Variants in CEP95 observed in about 807,000 individuals in gnomAD.
CEP95 encodes the protein centrosomal protein 95.
CEP95 carries 98 observed loss-of-function variants against 111.2 expected under a neutral mutation model. The ratio of observed to expected loss-of-function variants is 0.88; its 90% confidence interval spans 0.75 to 1.04. The LOEUF (loss-of-function observed/expected upper bound fraction) is 1.04, where lower values mean the gene tolerates loss of function less well. Ranked by LOEUF, CEP95 falls within the 50% of genes least tolerant of loss-of-function variation. The probability of loss-of-function intolerance (pLI) is 0.00; values close to 1 mark genes in which losing one functional copy is unlikely to be tolerated. For missense variants in CEP95, 1,027 were observed against 977.2 expected (o/e 1.05, Z -0.68); for synonymous variants, 323 against 327.1 (o/e 0.99, Z 0.14).
intron 17 of CEP95, chr17:64,535,617 G>T (rs1568159184): frequency 6.6e-6 from 1 of 152,246 alleles, no homozygotes; most frequent in Non-Finnish European, 1.5e-5. Context: ...GTGTTGGCAA[G>T]GATGTGGAGA....
chr17:64,525,864 A>G lies in CEP95; in HGVS notation c.1004A>G (p.Lys335Arg). ...CAGGTCCAAGGGCCTAGGACAAGGA[A>G]GCCTCCCAAAGGAAAAAGGTAACAT... Reference protein sequence around the residue: ...PAQVQGPRTRKPPKGKRNENR... With the variant: ...PAQVQGPRTRRPPKGKRNENR... The change falls in exon 9 of 20, where the codon AAG becomes AGG. Residue 335 changes from lysine to arginine, a missense_variant. Coordinates refer to ENST00000556440, the MANE Select transcript of CEP95 (RefSeq NM_138363.3). The G allele has an allele frequency of 1.9e-6, 3 of 1,575,306 alleles. No individual in the cohort carries two copies. Among genetic ancestry groups the G allele is most frequent in the Non-Finnish European group, 2.6e-6 (3 of 1,168,818 alleles).
intron 2 of CEP95, among the ~76,000 whole-genome samples, chr17:64,509,481 T>C (rs956181654): frequency 1.3e-5 from 2 of 152,168 alleles, no homozygotes; most frequent in African/African-American, 2.4e-5. Context: ...GGCCAGGAGT[T>C]CAATACCAGC....
At chr17:64,525,639 A>G in intron 8 of CEP95, 131 bp from the exon 9 acceptor site, 5 of 586,020 alleles carry the variant, frequency 8.5e-6, no homozygotes, top group Non-Finnish European at 1.5e-5. Flanking sequence ...GTCTTTTGAC[A>G]AATGCACTTC....
intron 6 of CEP95, among the ~76,000 whole-genome samples, chr17:64,519,950 C>T (rs1260791904): frequency 1.3e-5 from 2 of 152,196 alleles, no homozygotes; most frequent in African/African-American, 2.4e-5. Flanking sequence ...TCCTGTCCAC[C>T]GTGGCTTCAT....
At chr17:64,518,605 A>G (rs782302425) in intron 5 of CEP95, among the ~76,000 whole-genome samples, 4 of 152,234 alleles carry the variant, frequency 2.6e-5, no homozygotes, top group Non-Finnish European at 4.4e-5. Flanking sequence ...CATGGTTCGA[A>G]GAGCACAGGC....
chr17:64,522,808 A>T lies in CEP95; in HGVS notation c.822A>T (p.Ala274=). The change falls in exon 8 of 20, where the codon GCA becomes GCT. Residue 274 remains alanine, a synonymous_variant. Coordinates refer to ENST00000556440, the MANE Select transcript of CEP95 (RefSeq NM_138363.3). The part of the protein sequence containing the change: ...HPPYHPSEPR[A]PCPIGKEYLH... ...CCTACCACCCTTCAGAGCCTCGAGCACCCTGCCCCATAGGAAAAGAATACT... is the reference window on the plus strand; with the variant it reads ...CCTACCACCCTTCAGAGCCTCGAGCTCCCTGCCCCATAGGAAAAGAATACT... 6.2e-7 allele frequency: 1 copy of T among 1,613,800 alleles called. No homozygotes were observed. The highest frequency in any genetic ancestry group is 8.5e-7 in the Non-Finnish European group (1 of 1,179,820).
chr17:64,529,729 G>A (rs1054414884), intron 12 of CEP95, among the ~76,000 whole-genome samples: 1 of 152,170 alleles, frequency 6.6e-6, no homozygotes, highest in Non-Finnish European at 1.5e-5. Context: ...GGAATTTGAG[G>A]TGGATTAAAC....
chr17:64,537,628 T>C lies in CEP95; in HGVS notation c.2315T>C (p.Leu772Pro). 1.2e-6 allele frequency: 2 copies of C among 1,609,888 alleles called. No individual in the cohort carries two copies. The highest frequency in any genetic ancestry group is 1.7e-6 in the Non-Finnish European group (2 of 1,177,386). The change falls in exon 20 of 20, where the codon CTG (leucine) becomes CCG (proline). Residue 772 changes from leucine (L) to proline (P), a missense_variant. Leu to Pro is a moderately conservative substitution (Grantham distance 98). Coordinates refer to ENST00000556440, the MANE Select transcript of CEP95 (RefSeq NM_138363.3). ...ACATTACATAAGGTGAAGAGGGAGC[T>C]GAGATCTAAGATGGAGAAGGAAATT... is the stretch of plus-strand genomic sequence containing the variant. ...AQTLHKVKRE[L>P]RSKMEKEIQQ...
At chr17:64,525,709 A>G (rs868980327) in intron 8 of CEP95, 61 bp from the exon 9 acceptor site, 1 of 1,122,832 alleles carries the variant, frequency 8.9e-7, no homozygotes, top group Non-Finnish European at 1.3e-6. Context: ...CCTCACTCCC[A>G]GAAAGTTCAT....
chr17:64,518,285 A>G (rs1314186433), intron 5 of CEP95, among the ~76,000 whole-genome samples: 1 of 152,216 alleles, frequency 6.6e-6, no homozygotes, highest in Non-Finnish European at 1.5e-5. Context: ...GTTTTTTTAA[A>G]TATTATCAAA....
chr17:64,534,943 T>TGGCCCTGAGTTCTGCTTGGCCA, intron 17 of CEP95: 1 of 553,664 alleles, frequency 1.8e-6, no homozygotes. Flanking sequence ...TCCGTGTCCC[T>TGGCCCTGAGTTCTGCTTGGCCA]CATCTTAATG....
chr17:64,507,320 GGAGA>G (rs1179987959), intron 1 of CEP95: 3 of 1,442,160 alleles, frequency 2.1e-6, no homozygotes, highest in Non-Finnish European at 2.7e-6. Context: ...GTATGCTGTG[GGAGA>G]GAGAGAGGCA....
chr17:64,527,223 G>A lies in CEP95; in HGVS notation c.1265G>A (p.Ser422Asn), dbSNP rs1231775683. Residue 422 changes from serine to asparagine, a missense_variant, in exon 11 of 20, where the codon AGT becomes AAT. Transcript: ENST00000556440. ...ACTGAGGAGACACTGTCTCAGCACA[G>A]TGATGGCATCGTGGAGTATGGGCCA... The part of the protein sequence containing the change: ...DGTEETLSQH[S>N]DGIVEYGPKK... The A allele has an allele frequency of 1.2e-6, 2 of 1,613,700 alleles. No homozygotes were observed. Among genetic ancestry groups the A allele is most frequent in the Non-Finnish European group, 1.7e-6 (2 of 1,179,722 alleles).
chr17:64,533,676 A>C (rs1430746052), intron 16 of CEP95, among the ~76,000 whole-genome samples: 1 of 152,186 alleles, frequency 6.6e-6, no homozygotes, highest in Non-Finnish European at 1.5e-5. Context: ...ACACAGTTTC[A>C]GTTAGTCTTC....
chr17:64,517,976 G>A (rs1307147793), intron 5 of CEP95, among the ~76,000 whole-genome samples: 2 of 151,814 alleles, frequency 1.3e-5, no homozygotes, highest in Non-Finnish European at 2.9e-5. Context: ...TCCCGGTTTC[G>A]AGTGATTCTT....
At chr17:64,532,803 C>T (rs782294626) in intron 14 of CEP95, 36 bp from the exon 15 acceptor site, 12 of 1,587,192 alleles carry the variant, frequency 7.6e-6, no homozygotes, top group Admixed American at 1.8e-5. Context: ...TTCTTGTCCA[C>T]GTCTCAGATT....
chr17:64,522,214 A>T (rs1967402252), intron 7 of CEP95, among the ~76,000 whole-genome samples: 1 of 152,234 alleles, frequency 6.6e-6, no homozygotes, highest in Non-Finnish European at 1.5e-5. Context: ...TAATACATAA[A>T]AATATTACTG....
At chr17:64,534,817 T>G in intron 17 of CEP95, 80 bp downstream of exon 17, 1 of 1,510,066 alleles carries the variant, frequency 6.6e-7, no homozygotes, top group Non-Finnish European at 9.0e-7. Context: ...TGTTCGTGAC[T>G]CTTGTCCAAA....
rs1555678306 is a variant in CEP95 at position 64,522,857 on chromosome 17, G to A, written c.871G>A (p.Ala291Thr). Residue 291 changes from alanine to threonine, a missense_variant, in exon 8 of 20, where the codon GCC becomes ACC. Physicochemically the swap from Ala to Thr is moderately conservative, Grantham distance 58. Coordinates refer to ENST00000556440, the MANE Select transcript of CEP95 (RefSeq NM_138363.3). ...CTTGCATTCAAGTCACTGCTCCCCA[G>A]CCGTAAATTCTACTGGAGAGCATAC... is the stretch of plus-strand genomic sequence containing the variant. ...EYLHSSHCSP[A>T]VNSTGEHTEF... The A allele has an allele frequency of 1.2e-6, 2 of 1,612,996 alleles. No individual in the cohort carries two copies. The highest frequency in any genetic ancestry group is 1.7e-4 in the Middle Eastern group (1 of 5,734).
Sources: gnomAD v4.1 joint callset for allele counts (sites outside exome capture counted in the v4.1 genomes callset) on GRCh38, gnomAD v4.1.1 for gene constraint, MANE v1.5 for transcripts, NCBI Gene and HGNC (gene_info 2026-07-23, HGNC 2026-07-21) for gene names.